The following KIAA1328 variants were observed in gnomAD, a reference collection of about 807,000 sequenced individuals.
KIAA1328 encodes KIAA1328, also known as protein hinderin.
KIAA1328 carries 52 observed loss-of-function variants against 68.1 expected under a neutral mutation model. The ratio of observed to expected loss-of-function variants is 0.76; its 90% CI spans 0.61 to 0.96. The LOEUF is 0.96. Ranked by LOEUF, KIAA1328 falls within the 40% of genes least tolerant of loss-of-function variation. The pLI, the probability that KIAA1328 is intolerant of heterozygous loss-of-function variation, is 0.00. For missense variants in KIAA1328, 641 were observed against 677.6 expected, an observed-to-expected ratio of 0.95 and a Z score of 0.60; for synonymous variants, 232 against 239.4, an observed-to-expected ratio of 0.97 and a Z score of 0.28.
intron 6 of KIAA1328, among the ~76,000 whole-genome samples, chr18:37,039,630 C>T (rs2055165963): frequency 6.6e-6 from 1 of 152,268 alleles, no homozygotes; most frequent in African/African-American, 2.4e-5. Context: ...CCAGGATGGT[C>T]TCAATCTCTT....
At chr18:37,134,560 C>G (rs1260487381) in intron 7 of KIAA1328, among the ~76,000 whole-genome samples, 5 of 152,158 alleles carry the variant, frequency 3.3e-5, no homozygotes, top group African/African-American at 4.8e-5. Flanking sequence ...GCTGTATTCT[C>G]ATTTCTTCTG....
chr18:37,147,033 C>G (rs1159582723), intron 7 of KIAA1328, among the ~76,000 whole-genome samples: 1 of 152,128 alleles, frequency 6.6e-6, no homozygotes. Context: ...TGACATCTCA[C>G]CCCTCTCCTT....
downstream of KIAA1328, among the ~76,000 whole-genome samples, chr18:37,225,559 C>T (rs1402116503): frequency 6.6e-6 from 1 of 152,210 alleles, no homozygotes; most frequent in Non-Finnish European, 1.5e-5. Context: ...AACACCAAGC[C>T]GCCTCTAGAT....
chr18:37,219,807 G>A (rs1018264314), intron 9 of KIAA1328, among the ~76,000 whole-genome samples: 1 of 152,166 alleles, frequency 6.6e-6, no homozygotes, highest in Non-Finnish European at 1.5e-5. Flanking sequence ...GCCCCACCTT[G>A]CTTCGGCTTG....
intron 7 of KIAA1328, among the ~76,000 whole-genome samples, chr18:37,127,187 A>G (rs947204617): frequency 6.6e-6 from 1 of 152,220 alleles, no homozygotes; most frequent in African/African-American, 2.4e-5. Context: ...AAAAGTTACT[A>G]GAACTACTAA....
At chr18:37,158,455 G>GA (rs372380216) in intron 7 of KIAA1328, among the ~76,000 whole-genome samples, 32 of 152,140 alleles carry the variant, frequency 2.1e-4, no homozygotes, top group African/African-American at 6.7e-4. Context: ...GTAGCCCTAG[G>GA]AAAAAATCCA....
intron 9 of KIAA1328, among the ~76,000 whole-genome samples, chr18:37,192,102 C>G (rs2059916006): frequency 6.6e-6 from 1 of 151,750 alleles, no homozygotes; most frequent in African/African-American, 2.4e-5. Flanking sequence ...TGAAACAGCC[C>G]TGAACATCTA....
At chr18:37,023,165 G>A (rs2054413502) in intron 6 of KIAA1328, among the ~76,000 whole-genome samples, 1 of 152,086 alleles carries the variant, frequency 6.6e-6, no homozygotes, top group African/African-American at 2.4e-5. Flanking sequence ...CCAAGTGCTG[G>A]GATTACAGGC....
intron 3 of KIAA1328, among the ~76,000 whole-genome samples, chr18:36,837,198 T>C (rs2046707159): frequency 6.6e-6 from 1 of 152,192 alleles, no homozygotes; most frequent in Non-Finnish European, 1.5e-5. Context: ...GGTTACACCA[T>C]GTTACATTCG....
chr18:37,117,570 C>T lies in KIAA1328; in HGVS notation c.1233-42630C>T, dbSNP rs2058149148. On this transcript the variant is annotated intron_variant, in intron 7 of 9. Transcript: ENST00000280020. ...TGATGAGTTAATGGGTGCAACACAC[C>T]AACATGGCACATGTATACATATGTA... is the stretch of plus-strand genomic sequence containing the variant. 2.0e-5 allele frequency among the ~76,000 whole-genome samples: 3 copies of T among 152,010 alleles called. No individual in the cohort carries two copies. The South Asian group carries it at 6.2e-4, about 32-fold the overall frequency.
intron 7 of KIAA1328, among the ~76,000 whole-genome samples, chr18:37,112,419 T>C (rs900196808): frequency 6.6e-6 from 1 of 152,086 alleles, no homozygotes; most frequent in Non-Finnish European, 1.5e-5. Flanking sequence ...GCATCTGGAG[T>C]GGACCTCCAG....
At chr18:37,185,180 G>A (rs2059772489) in intron 9 of KIAA1328, among the ~76,000 whole-genome samples, 1 of 150,042 alleles carries the variant, frequency 6.7e-6, no homozygotes, top group East Asian at 2.0e-4. Context: ...AAAAAAAAAA[G>A]AAGTTTGGGT....
intron 9 of KIAA1328, 48 bp downstream of exon 9, chr18:37,173,129 AT>A (rs763121025): frequency 7.3e-6 from 10 of 1,361,808 alleles, no homozygotes; most frequent in African/African-American, 1.5e-5. Context: ...CTATGAGAGC[AT>A]TTTTTTGAAG....
At chr18:36,948,418 C>T (rs1324184126) in intron 5 of KIAA1328, among the ~76,000 whole-genome samples, 40 of 151,462 alleles carry the variant, frequency 2.6e-4, no homozygotes, top group Non-Finnish European at 4.4e-4. Flanking sequence ...TGCGCCACCA[C>T]GCCTGGCTAA....
chr18:36,902,659 T>C (rs1053982561), intron 5 of KIAA1328, among the ~76,000 whole-genome samples: 3 of 152,086 alleles, frequency 2.0e-5, no homozygotes, highest in Admixed American at 6.6e-5. Context: ...TATCAAACAA[T>C]TGGGAGAACT....
At chr18:37,152,025 G>A (rs2059042895) in intron 7 of KIAA1328, among the ~76,000 whole-genome samples, 1 of 151,070 alleles carries the variant, frequency 6.6e-6, no homozygotes, top group Admixed American at 6.6e-5. Context: ...ATGGCTAGGT[G>A]GGAATGGGTT....
chr18:37,120,294 G>A (rs535324556), intron 7 of KIAA1328, among the ~76,000 whole-genome samples: 2 of 152,190 alleles, frequency 1.3e-5, no homozygotes, highest in African/African-American at 4.8e-5. Flanking sequence ...TAGTTATGCT[G>A]ACTCCCAGTG....
At chr18:37,055,708 G>T (rs1215260683) in intron 6 of KIAA1328, among the ~76,000 whole-genome samples, 2 of 152,160 alleles carry the variant, frequency 1.3e-5, no homozygotes, top group Non-Finnish European at 2.9e-5. Context: ...CAGTAGTTTA[G>T]GTTTAGAAAT....
intron 7 of KIAA1328, among the ~76,000 whole-genome samples, chr18:37,102,475 A>G (rs182286375): frequency 6.1e-4 from 93 of 152,360 alleles, no homozygotes; most frequent in Middle Eastern, 6.8e-3. Flanking sequence ...AAAACAACGG[A>G]TAAAGACCAT....
Sources: allele counts gnomAD v4.1 joint callset (sites outside exome capture counted in the v4.1 genomes callset), GRCh38; gene constraint gnomAD v4.1.1; transcripts MANE v1.5; gene names NCBI Gene and HGNC (gene_info 2026-07-23, HGNC 2026-07-21).